Variants in ANK3 observed in about 807,000 individuals in gnomAD.
ANK3 encodes ankyrin-3.
In ANK3, 57 loss-of-function variants were observed where a neutral mutation model predicts 370.9. The observed-to-expected ratio is 0.15, with a 90% confidence interval of 0.12 to 0.19. ANK3 has a LOEUF of 0.19. Ranked by LOEUF, ANK3 falls within the 10% of genes least tolerant of loss-of-function variation. The pLI is 1.00. For missense variants in ANK3, 4,439 were observed against 5,302.1 expected (o/e 0.84, Z 5.06); for synonymous variants, 1,929 against 1,946.3 (o/e 0.99, Z 0.23).
chr10:60,328,047 C>T lies in ANK3; in HGVS notation c.115-48408G>A, dbSNP rs117251033. 2.4e-3 allele frequency among the ~76,000 whole-genome samples: 367 copies of T among 151,932 alleles called. 5 individuals are homozygous for T. The highest frequency in any genetic ancestry group is 0.022 in the East Asian group (116 of 5,172). On this transcript the variant is annotated intron_variant, in intron 1 of 43. Coordinates refer to ENST00000280772, the MANE Select transcript of ANK3 (RefSeq NM_020987.5). ...AACATATTCTTAAAAAAAAAGAATC[C>T]CTTCTAAAAGGTATCCAGTGGTTTT...
chr10:60,591,233 C>G (rs559281031), intron 2 of ANK3, among the ~76,000 whole-genome samples: 6 of 152,286 alleles, frequency 3.9e-5, no homozygotes, highest in East Asian at 1.9e-4. Flanking sequence ...TAATTCCAAG[C>G]CTTCTTCTCC....
At chr10:60,337,034 AAAAC>A (rs1192440946) in intron 1 of ANK3, among the ~76,000 whole-genome samples, 3 of 151,784 alleles carry the variant, frequency 2.0e-5, no homozygotes, top group African/African-American at 4.8e-5. Flanking sequence ...TTTAAAAAAA[AAAAC>A]AAACAGTGGA....
intron 2 of ANK3, among the ~76,000 whole-genome samples, chr10:60,568,985 T>G (rs896428879): frequency 2.6e-5 from 4 of 152,122 alleles, no homozygotes; most frequent in African/African-American, 9.7e-5. Flanking sequence ...CACCCTAATC[T>G]CAGCCTTTCA....
chr10:60,697,065 C>T (rs1268284388), intron 1 of ANK3, among the ~76,000 whole-genome samples: 1 of 150,488 alleles, frequency 6.6e-6, no homozygotes, highest in Admixed American at 6.6e-5. Context: ...TCTCAGGATA[C>T]AAAATCAATG....
intron 1 of ANK3, among the ~76,000 whole-genome samples, chr10:60,697,680 C>G (rs2079481697): frequency 6.6e-6 from 1 of 150,804 alleles, no homozygotes; most frequent in South Asian, 2.1e-4. Context: ...ATAAATGGTG[C>G]TGGGAAAACT....
chr10:60,544,179 A>G (rs1403834388), intron 2 of ANK3, among the ~76,000 whole-genome samples: 2 of 152,128 alleles, frequency 1.3e-5, no homozygotes. Context: ...GGCAGGCATC[A>G]GTAAATATCC....
intron 1 of ANK3, among the ~76,000 whole-genome samples, chr10:60,624,348 G>A (rs538897009): frequency 6.6e-6 from 1 of 152,226 alleles, no homozygotes; most frequent in South Asian, 2.1e-4. Context: ...AGGCTTGGGT[G>A]TGCTTCCCTG....
At chr10:60,086,920 T>C (rs1042292891) in intron 29 of ANK3, 36 bp from the exon 30 acceptor site, 3 of 332,002 alleles carry the variant, frequency 9.0e-6, no homozygotes, top group African/African-American at 7.3e-5. Flanking sequence ...TGAAAGTGAC[T>C]TTTTTTTTTT....
In ANK3 at chr10:60,069,215, A is replaced by G; in HGVS notation, c.11666T>C (p.Met3889Thr). 1 of 1,613,998 alleles carries G rather than the reference A, an allele frequency of 6.2e-7. No individual in the cohort carries two copies. Among genetic ancestry groups the G allele is most frequent in the Non-Finnish European group, 8.5e-7 (1 of 1,179,978 alleles). Reference protein sequence around the residue: ...NHMSNTKASKMKQVSQSEKTK... With the variant: ...NHMSNTKASKTKQVSQSEKTK... ...TTTCTCGGATTGACTAACCTGCTTC[A>G]TTTTACTTGCTTTAGTGTTTGACAT... is the stretch of plus-strand genomic sequence containing the variant. Residue 3889 changes from methionine to threonine, a missense_variant, in exon 37 of 44, where the codon ATG becomes ACG. Met to Thr is a moderately conservative substitution (Grantham distance 81). Coordinates refer to ENST00000280772, the MANE Select transcript of ANK3 (RefSeq NM_020987.5).
Position 60,085,166 on chromosome 10 carries a change from A to G in ANK3, c.3836T>C (p.Val1279Ala). 6.2e-7 allele frequency: 1 copy of G among 1,610,730 alleles called. No homozygotes were observed. Among genetic ancestry groups the G allele is most frequent in the Non-Finnish European group, 8.5e-7 (1 of 1,178,574 alleles). ...IKDCVSFTTN[V>A]SARFWLADCH... ...TCCTTTATTTCCATACCTGGCTGAAACATTGGTTGTAAAGGAGACACAATC... is the reference window on the plus strand; with the variant it reads ...TCCTTTATTTCCATACCTGGCTGAAGCATTGGTTGTAAAGGAGACACAATC... The change falls in exon 31 of 44, where the codon GTT becomes GCT. Residue 1279 changes from valine to alanine, a missense_variant. Val to Ala is a moderately conservative substitution (Grantham distance 64, BLOSUM62 0). This residue lies in a region of ANK3 where 702 missense variants were observed against 941.5 expected (regional missense o/e 0.75). Transcript: ENST00000280772.
At chr10:60,385,183 C>T (rs990651430) in intron 1 of ANK3, among the ~76,000 whole-genome samples, 1 of 152,072 alleles carries the variant, frequency 6.6e-6, no homozygotes, top group Admixed American at 6.6e-5. Context: ...GCTTACTTTT[C>T]GTGCCACACA....
At chr10:60,175,322 C>T (rs1039126597) in intron 18 of ANK3, among the ~76,000 whole-genome samples, 8 of 152,326 alleles carry the variant, frequency 5.3e-5, no homozygotes, top group Non-Finnish European at 8.8e-5. Flanking sequence ...CTCCATTCAT[C>T]GGGGTTAACA....
chr10:60,444,446 A>G (rs10994351), intron 2 of ANK3, among the ~76,000 whole-genome samples: 71,927 of 131,198 alleles, frequency 0.55, 17,996 homozygotes, highest in South Asian at 0.67. Flanking sequence ...GTGTGTGTGT[A>G]TATATATATA....
In ANK3 at chr10:60,069,025, T is replaced by C. The variant is rs2082186339; in HGVS notation, c.11856A>G (p.Val3952=). 3 of 1,614,040 alleles carry C rather than the reference T, an allele frequency of 1.9e-6. No individual in the cohort carries two copies. The highest frequency in any genetic ancestry group is 3.3e-4 in the Middle Eastern group (2 of 6,060). The change falls in exon 37 of 44, where the codon GTA becomes GTG. Residue 3952 remains valine (V), a synonymous_variant. Transcript: ENST00000280772. ...KAKQLPSKLP[V]KVRSTCVTTT... ...TAGTGACACAGGTGGATCTTACCTTTACTGGCAACTTGGATGGAAGCTGTT... is the reference window on the plus strand; with the variant it reads ...TAGTGACACAGGTGGATCTTACCTTCACTGGCAACTTGGATGGAAGCTGTT...
At chr10:60,109,091 A>G (rs1234535434) in intron 26 of ANK3, 37 bp from the exon 27 acceptor site, 10 of 1,532,372 alleles carry the variant, frequency 6.5e-6, no homozygotes, top group Non-Finnish European at 9.0e-6. Context: ...TCAAGGACGG[A>G]AATAAACTGT....
chr10:60,102,907 CTTAA>C (rs1163374491), intron 28 of ANK3, among the ~76,000 whole-genome samples: 9 of 152,110 alleles, frequency 5.9e-5, no homozygotes, highest in African/African-American at 1.9e-4. Flanking sequence ...ACAGATAAAG[CTTAA>C]TTGTTATGAA....
Position 60,073,567 on chromosome 10 carries a change from C to T in ANK3, c.7314G>A (p.Leu2438=). ...QLISDDSYKT[L]KLLSQHSIEY... Reference sequence around the variant, plus strand: ...CTATTGAGTGTTGACTCAAAAGCTTCAATGTTTTATAAGAGTCATCAGATA... The same window carrying T: ...CTATTGAGTGTTGACTCAAAAGCTTTAATGTTTTATAAGAGTCATCAGATA... Residue 2438 remains leucine, a synonymous_variant, in exon 37 of 44, where the codon TTG becomes TTA. Coordinates refer to ENST00000280772, the MANE Select transcript of ANK3 (RefSeq NM_020987.5). The T allele has an allele frequency of 1.2e-6, 2 of 1,614,014 alleles. No individual in the cohort carries two copies. Among genetic ancestry groups the T allele is most frequent in the Non-Finnish European group, 1.7e-6 (2 of 1,180,012 alleles).
chr10:60,332,224 G>A (rs1003042576), intron 1 of ANK3, among the ~76,000 whole-genome samples: 6 of 152,080 alleles, frequency 3.9e-5, no homozygotes, highest in Non-Finnish European at 8.8e-5. Context: ...ATTCTAAATT[G>A]AGAAAAGTAT....
At chr10:60,441,347 C>A in intron 2 of ANK3, among the ~76,000 whole-genome samples, 1 of 152,022 alleles carries the variant, frequency 6.6e-6, no homozygotes, top group Non-Finnish European at 1.5e-5. Flanking sequence ...AATACACTTT[C>A]TAAAAAATCT....
Sources: gnomAD v4.1 joint callset for allele counts (sites outside exome capture counted in the v4.1 genomes callset) on GRCh38, gnomAD v4.1.1 for gene constraint, gnomAD v4.1.1 regional missense constraint, MANE v1.5 for transcripts, NCBI Gene and HGNC (gene_info 2026-07-23, HGNC 2026-07-21) for gene names.